Variants in ZNF429 observed in about 807,000 individuals in gnomAD.
ZNF429 encodes the protein zinc finger protein 429.
In ZNF429, 53 loss-of-function variants were observed where a neutral mutation model predicts 56.8. The observed-to-expected ratio is 0.93, with a 90% CI of 0.75 to 1.17. ZNF429 has a LOEUF of 1.17. Among genes scored for constraint, ZNF429 ranks in the 50% most tolerant of loss-of-function variants. The pLI is 0.00. For synonymous variants in ZNF429, 278 were observed against 264.7 expected, an observed-to-expected ratio of 1.05 and a Z score of -0.49; for missense variants, 849 against 788.4, an observed-to-expected ratio of 1.08 and a Z score of -0.92.
At chr19:21,529,606 A>G in intron 1 of ZNF429, 52 bp from the exon 2 acceptor site, 3 of 1,399,854 alleles carry the variant, frequency 2.1e-6, no homozygotes, top group Non-Finnish European at 2.8e-6. Context: ...GCACTTGGTC[A>G]ATATATTTCT....
chr19:21,522,270 C>T (rs2033009977), intron 1 of ZNF429, among the ~76,000 whole-genome samples: 1 of 152,168 alleles, frequency 6.6e-6, no homozygotes, highest in African/African-American at 2.4e-5. Flanking sequence ...GCACAGATGG[C>T]CTCTCAAATT....
chr19:21,505,799 CCA>C (rs777728076), intron 1 of ZNF429, 25 bp downstream of exon 1: 14 of 1,611,074 alleles, frequency 8.7e-6, no homozygotes, highest in South Asian at 2.2e-5. Flanking sequence ...TCTGACATCC[CCA>C]GAGAGGGGGA....
chr19:21,534,926 C>G, intron 3 of ZNF429, among the ~76,000 whole-genome samples: 1 of 151,146 alleles, frequency 6.6e-6, no homozygotes, highest in Admixed American at 6.6e-5. Context: ...TCTCCTGCCT[C>G]AGCCTCCCGA....
At chr19:21,509,646 C>A (rs529308660) in intron 1 of ZNF429, among the ~76,000 whole-genome samples, 1 of 152,298 alleles carries the variant, frequency 6.6e-6, no homozygotes, top group African/African-American at 2.4e-5. Context: ...CTGAGAGAAG[C>A]TACAGAGCCC....
chr19:21,536,647 G>A lies in ZNF429; in HGVS notation c.594G>A (p.Glu198=), dbSNP rs759923706. 19 of 1,613,852 alleles carry A rather than the reference G, an allele frequency of 1.2e-5. No homozygotes were observed. The East Asian group carries it at 3.8e-4, about 32-fold the overall frequency. Residue 198 remains glutamate (E), a synonymous_variant, in exon 4 of 4, where the codon GAG becomes GAA. Transcript: ENST00000358491. ...AACATAAGAAAATTCATATTAGAGA[G>A]AATACCTACAGATGTAAAGAATTTG... The part of the protein sequence containing the change: ...LTQHKKIHIR[E]NTYRCKEFGN...
chr19:21,535,372 TCTTTCTTTTTTA>T lies in ZNF429; in HGVS notation c.227-899_227-888del. Among the ~76,000 whole-genome samples the T allele has an allele frequency of 2.5e-3, 207 of 82,120 alleles. 29 individuals carry two copies. Among genetic ancestry groups the T allele is most frequent in the African/African-American group, 0.01 (196 of 19,494 alleles). 53.9% of individuals were successfully genotyped at this position (82,120 alleles called of 152,430 possible). ...TCCTTTCTTTTCTTCTTTCTTTCTT[TCTTTCTTTTTTA>T]CTTTCTTTCTTTCTTTCTTTCTTTT... On this transcript the variant is annotated intron_variant, in intron 3 of 3. Transcript: ENST00000358491.
intron 1 of ZNF429, among the ~76,000 whole-genome samples, chr19:21,506,443 C>CAAAAA (rs1229591215): frequency 1.0e-5 from 1 of 99,238 alleles, no homozygotes; most frequent in African/African-American, 3.6e-5. Context: ...CTATCTCAAA[C>CAAAAA]AAAAAAAAAA....
intron 1 of ZNF429, among the ~76,000 whole-genome samples, chr19:21,506,970 G>A (rs1381317066): frequency 6.6e-6 from 1 of 151,998 alleles, no homozygotes; most frequent in African/African-American, 2.4e-5. Context: ...GTTTCTCCGT[G>A]TTGGTCAGGC....
chr19:21,510,330 A>C (rs1284423712), intron 1 of ZNF429, among the ~76,000 whole-genome samples: 1 of 152,136 alleles, frequency 6.6e-6, no homozygotes, highest in Non-Finnish European at 1.5e-5. Context: ...AGGGCAGCCC[A>C]AAGTCCAGGA....
At chr19:21,514,545 C>T (rs904422001) in intron 1 of ZNF429, among the ~76,000 whole-genome samples, 5 of 151,810 alleles carry the variant, frequency 3.3e-5, no homozygotes, top group East Asian at 1.9e-4. Context: ...CACAGCATTC[C>T]GTGATGTTTA....
intron 1 of ZNF429, chr19:21,518,742 T>G (rs1298396228): frequency 6.6e-6 from 1 of 152,164 alleles, no homozygotes; most frequent in Non-Finnish European, 1.5e-5. Flanking sequence ...TTATTTTTAG[T>G]AGAGAAAGGG....
intron 1 of ZNF429, among the ~76,000 whole-genome samples, chr19:21,509,199 GT>G (rs2032333576): frequency 6.6e-6 from 1 of 152,056 alleles, no homozygotes. Flanking sequence ...TAGAGACAGG[GT>G]TTCGCCGTGT....
chr19:21,512,440 A>C (rs572868578), intron 1 of ZNF429, among the ~76,000 whole-genome samples: 32 of 151,856 alleles, frequency 2.1e-4, no homozygotes, highest in Admixed American at 2.0e-3. Context: ...CGGGTGGATC[A>C]CCTGAGGTCA....
At chr19:21,529,262 C>T (rs1371027646) in intron 1 of ZNF429, 1 of 154,032 alleles carries the variant, frequency 6.5e-6, no homozygotes. Flanking sequence ...GTTCATTGAA[C>T]ACATTAAAAT....
intron 3 of ZNF429, among the ~76,000 whole-genome samples, chr19:21,533,132 T>G: frequency 1.3e-5 from 2 of 152,192 alleles, no homozygotes; most frequent in East Asian, 3.9e-4. Flanking sequence ...TTAAAAAAAT[T>G]TACAGTTTCC....
In ZNF429 at chr19:21,530,573, AT is replaced by A; in HGVS notation, c.131-11del. On this transcript the variant is annotated splice_polypyrimidine_tract_variant and intron_variant, in intron 2 of 3. Coordinates refer to ENST00000358491, the MANE Select transcript of ZNF429 (RefSeq NM_001001415.4). The stretch of plus-strand genomic sequence containing the variant: ...AATATAAGCAAGATTCATCTTCTTT[AT>A]TTTTAATAAAACAGGTATTGCTGTT... The A allele has an allele frequency of 1.9e-6, 3 of 1,572,718 alleles. No homozygotes were observed. The highest frequency in any genetic ancestry group is 2.6e-6 in the Non-Finnish European group (3 of 1,155,444).
In ZNF429 at chr19:21,517,566, GC is replaced by G. The variant is rs367937539; in HGVS notation, c.3+11793del. The stretch of plus-strand genomic sequence containing the variant: ...TCAGCTGTGAATCTGTGGGTCCTAG[GC>G]TTTTTTTGGCTGGTAGGCTATTTAC... On this transcript the variant is annotated intron_variant, in intron 1 of 3. Coordinates refer to ENST00000358491, the MANE Select transcript of ZNF429 (RefSeq NM_001001415.4). Among the ~76,000 whole-genome samples, 254 of 152,072 alleles carry G rather than the reference GC, an allele frequency of 1.7e-3. 2 individuals are homozygous for G. Among genetic ancestry groups the G allele is most frequent in the African/African-American group, 5.9e-3 (246 of 41,454 alleles).
chr19:21,507,944 C>T (rs967078092), intron 1 of ZNF429, among the ~76,000 whole-genome samples: 2 of 152,124 alleles, frequency 1.3e-5, no homozygotes, highest in East Asian at 3.9e-4. Flanking sequence ...TGATTCTCTA[C>T]AATTTGTGAA....
chr19:21,506,767 G>GTTTTTTTT (rs60650857), intron 1 of ZNF429, among the ~76,000 whole-genome samples: 32 of 111,744 alleles, frequency 2.9e-4, no homozygotes, highest in African/African-American at 3.2e-4. Flanking sequence ...TTAGTTTTTT[G>GTTTTTTTT]TTTTTTTTTT....
Sources: allele counts gnomAD v4.1 joint callset (sites outside exome capture counted in the v4.1 genomes callset), GRCh38; gene constraint gnomAD v4.1.1; transcripts MANE v1.5; gene names NCBI Gene and HGNC (gene_info 2026-07-23, HGNC 2026-07-21).